The following EXD3 variants were observed in gnomAD, a reference collection of about 807,000 sequenced individuals.
EXD3 encodes exonuclease mut-7 homolog.
Under a neutral mutation model 98.0 loss-of-function variants are expected in EXD3, and 92 were observed. That is an observed-to-expected ratio of 0.94 (90% CI 0.79 to 1.12). The LOEUF (loss-of-function observed/expected upper bound fraction) is 1.12, where lower values mean the gene tolerates loss of function less well. EXD3 is among the 50% of genes most tolerant of loss of function. EXD3 has a pLI of 0.00. For synonymous variants in EXD3, 569 were observed against 526.0 expected, an observed-to-expected ratio of 1.08 and a Z score of -1.12; for missense variants, 1,222 against 1,191.6, an observed-to-expected ratio of 1.03 and a Z score of -0.38.
intron 1 of EXD3, among the ~76,000 whole-genome samples, chr9:137,415,559 T>C (rs971803751): frequency 3.0e-4 from 45 of 152,172 alleles, no homozygotes; most frequent in Admixed American, 1.3e-4. Flanking sequence ...GGCAAGCTTC[T>C]CTGTGCACCC....
At chr9:137,376,624 C>T (rs569776109) in intron 3 of EXD3, among the ~76,000 whole-genome samples, 8 of 152,162 alleles carry the variant, frequency 5.3e-5, no homozygotes, top group Non-Finnish European at 7.4e-5. Flanking sequence ...CGCTTCCTCC[C>T]GACCTTTTAA....
Position 137,354,688 on chromosome 9 carries a change from C to T in EXD3, c.831+12G>A, listed in dbSNP as rs1175066011. 4 of 1,610,306 alleles carry T rather than the reference C, an allele frequency of 2.5e-6. No individual in the cohort carries two copies. In the African/African-American group the frequency reaches 4.0e-5, roughly 16 times the overall value. The stretch of plus-strand genomic sequence containing the variant: ...GGCTGGCTGCCCCCAGGACCCCCTC[C>T]TGCTCACGAACCTCCACAAACCGCT... On this transcript the variant is annotated intron_variant, in intron 9 of 21. Coordinates refer to ENST00000340951, the MANE Select transcript of EXD3 (RefSeq NM_017820.5).
rs576471057 is a variant in EXD3, at chr9:137,420,744, C to G, written c.-48+2370G>C. The stretch of plus-strand genomic sequence containing the variant: ...CCTGGAGGACAGACATTCACCCCCC[C>G]CCCCAAATTCATACAGGTATTATAC... On this transcript the variant is annotated intron_variant, in intron 1 of 21. Transcript: ENST00000340951. 4.7e-5 allele frequency among the ~76,000 whole-genome samples: 7 copies of G among 147,564 alleles called. 2 individuals are homozygous for G. The highest frequency in any genetic ancestry group is 9.1e-5 in the Non-Finnish European group (6 of 65,868).
At chr9:137,314,008 T>C (rs963195824) in intron 19 of EXD3, among the ~76,000 whole-genome samples, 5 of 152,044 alleles carry the variant, frequency 3.3e-5, no homozygotes, top group African/African-American at 4.8e-5. Flanking sequence ...AGGATGGACA[T>C]TGCACATTTG....
intron 3 of EXD3, among the ~76,000 whole-genome samples, chr9:137,382,736 C>T (rs764922072): frequency 7.9e-5 from 12 of 152,110 alleles, no homozygotes; most frequent in Admixed American, 4.6e-4. Context: ...GGGCGTCCCC[C>T]GGACCTGCAG....
At position 137,405,315 on chromosome 9, in the gene EXD3, AC is replaced by A. The variant is rs1172425403; in HGVS notation, c.-47-9912del. Among the ~76,000 whole-genome samples, 2 of 152,062 alleles carry A rather than the reference AC, an allele frequency of 1.3e-5. No homozygotes were observed. Among genetic ancestry groups the A allele is most frequent in the Non-Finnish European group, 2.9e-5 (2 of 68,000 alleles). ...GGCCAGAGCAGGGGCCAGAGCCCCA[AC>A]CCCCGCTGCTTCCCCAACTGCTCCC... On this transcript the variant is annotated intron_variant, in intron 1 of 21. Coordinates refer to ENST00000340951, the MANE Select transcript of EXD3 (RefSeq NM_017820.5). This position sits in a 1 kb window ranked among gnomAD's most constrained non-coding sequence, Gnocchi z 4.1.
chr9:137,355,649 A>AGGAGAAGAGGAAGGAGGAAG (rs1834698737), intron 8 of EXD3, among the ~76,000 whole-genome samples: 4 of 125,028 alleles, frequency 3.2e-5, no homozygotes, highest in South Asian at 2.8e-4. Context: ...GGAAGGAGGA[A>AGGAGAAGAGGAAGGAGGAAG]GGAGGAAGGA....
At chr9:137,351,784 C>T (rs1277072452) in intron 12 of EXD3, among the ~76,000 whole-genome samples, 2 of 152,206 alleles carry the variant, frequency 1.3e-5, no homozygotes, top group Admixed American at 6.5e-5. Context: ...CGGCAGTGCC[C>T]GTGTCAGGGA....
At chr9:137,391,275 G>T (rs1307361094) in intron 2 of EXD3, among the ~76,000 whole-genome samples, 2 of 152,244 alleles carry the variant, frequency 1.3e-5, no homozygotes, top group Non-Finnish European at 2.9e-5. Flanking sequence ...GGCCTCTCCT[G>T]CGGGCCCTGC....
In EXD3 at chr9:137,349,668, G is replaced by A. The variant is rs1834153566; in HGVS notation, c.1495-137C>T. On this transcript the variant is annotated intron_variant, in intron 14 of 21. Transcript: ENST00000340951. The surrounding 1 kb of genome is among the most constrained non-coding windows in gnomAD (Gnocchi z 7.4). Reference sequence around the variant, plus strand: ...ACCAGCGGCCCCCACAGCAGAGACGGGGAGAAGGAGCGGACACATCCGAGG... The same window carrying A: ...ACCAGCGGCCCCCACAGCAGAGACGAGGAGAAGGAGCGGACACATCCGAGG... 3.2e-6 allele frequency: 3 copies of A among 952,274 alleles called. No individual in the cohort carries two copies. The highest frequency in any genetic ancestry group is 4.4e-6 in the Non-Finnish European group (3 of 676,466). 59.0% of individuals were successfully genotyped at this position (952,274 alleles called of 1,614,324 possible).
intron 19 of EXD3, among the ~76,000 whole-genome samples, chr9:137,310,465 G>A (rs1013405020): frequency 3.3e-4 from 51 of 152,330 alleles, no homozygotes; most frequent in African/African-American, 1.1e-3. Context: ...CTGGGCTCAA[G>A]TGATCTTTCC....
At chr9:137,380,197 G>T (rs1394414180) in intron 3 of EXD3, among the ~76,000 whole-genome samples, 1 of 150,736 alleles carries the variant, frequency 6.6e-6, no homozygotes, top group African/African-American at 2.5e-5. Context: ...TCCTCCCTTC[G>T]AGCCCTTCAC....
intron 5 of EXD3, among the ~76,000 whole-genome samples, chr9:137,370,983 T>C (rs1835561829): frequency 6.6e-6 from 1 of 152,196 alleles, no homozygotes; most frequent in Non-Finnish European, 1.5e-5. Flanking sequence ...CAGGCCTGAA[T>C]GCGGCCTCTT....
At chr9:137,417,111 C>G (rs1228487315) in intron 1 of EXD3, among the ~76,000 whole-genome samples, 4 of 152,186 alleles carry the variant, frequency 2.6e-5, no homozygotes, top group African/African-American at 9.6e-5. Context: ...CCGGGCAAAG[C>G]CGGGGCCGCG....
rs1564508612 is a variant in EXD3, at chr9:137,355,582, GAAGGAGAAAGGGCGGAAGGAGA to G, written c.757+664_757+685del. Among the ~76,000 whole-genome samples, 38 of 50,266 alleles carry G rather than the reference GAAGGAGAAAGGGCGGAAGGAGA, an allele frequency of 7.6e-4. 1 individual carries two copies. Among genetic ancestry groups the G allele is most frequent in the East Asian group, 1.9e-3 (2 of 1,068 alleles). The allele number at this position is 50,266 out of a possible 152,430, so 33.0% of individuals were successfully genotyped here. A position where few individuals can be genotyped will look rare whatever the true frequency, so the allele number is the denominator to read the frequency against. ...GAGGAAGGGAGGATGGAGGAAGGAG[GAAGGAGAAAGGGCGGAAGGAGA>G]AAGGAGGAAGGAGGAAGGGAGGATG... On this transcript the variant is annotated intron_variant, in intron 8 of 21. Transcript: ENST00000340951.
intron 10 of EXD3, chr9:137,353,973 C>G (rs559432027): frequency 9.2e-7 from 1 of 1,083,174 alleles, no homozygotes; most frequent in African/African-American, 1.6e-5. Context: ...TGGCACCGGG[C>G]TGGGGGGGCC....
At chr9:137,372,121 C>T (rs1835649664) in intron 5 of EXD3, among the ~76,000 whole-genome samples, 1 of 152,228 alleles carries the variant, frequency 6.6e-6, no homozygotes, top group Admixed American at 6.5e-5. Context: ...CTCATCCAGA[C>T]ACCTTTAGCT....
intron 1 of EXD3, among the ~76,000 whole-genome samples, chr9:137,406,745 G>A (rs772838416): frequency 2.0e-5 from 3 of 152,064 alleles, no homozygotes; most frequent in Non-Finnish European, 2.9e-5. Context: ...GTACTCCCCC[G>A]GCCACAGCCT....
intron 17 of EXD3, chr9:137,345,677 G>GAAAAAA (rs1833892827): frequency 2.6e-4 from 32 of 123,166 alleles, no homozygotes; most frequent in East Asian, 8.7e-4. Context: ...AAAAAAAAAG[G>GAAAAAA]AAAGAAAAGA....
Sources: gnomAD v4.1 joint callset for allele counts (sites outside exome capture counted in the v4.1 genomes callset) on GRCh38, gnomAD v4.1.1 for gene constraint, Gnocchi (gnomAD v3.1) non-coding constraint, MANE v1.5 for transcripts, NCBI Gene and HGNC (gene_info 2026-07-23, HGNC 2026-07-21) for gene names.